Variants in PAPSS1 observed in about 807,000 individuals in gnomAD.
PAPSS1 encodes 3'-phosphoadenosine 5'-phosphosulfate synthase 1.
A neutral mutation model predicts 72.0 loss-of-function variants in PAPSS1; 50 were observed. That is an observed-to-expected ratio of 0.69 (90% CI 0.55 to 0.88). PAPSS1 has a LOEUF of 0.88. Among genes scored for constraint, PAPSS1 ranks in the 40% least tolerant of loss-of-function variants. The probability of loss-of-function intolerance (pLI) is 0.00; values close to 1 mark genes in which losing one functional copy is unlikely to be tolerated. For missense variants in PAPSS1, 657 were observed against 782.2 expected, an observed-to-expected ratio of 0.84 and a Z score of 1.91; for synonymous variants, 261 against 263.6, an observed-to-expected ratio of 0.99 and a Z score of 0.09.
chr4:107,663,395 T>TAC (rs1727239178), intron 5 of PAPSS1, among the ~76,000 whole-genome samples: 1 of 152,146 alleles, frequency 6.6e-6, no homozygotes, highest in Non-Finnish European at 1.5e-5. Flanking sequence ...ACAAAAAAGA[T>TAC]ACACACATAT....
chr4:107,684,294 T>A (rs938554559), intron 4 of PAPSS1, among the ~76,000 whole-genome samples: 1 of 152,194 alleles, frequency 6.6e-6, no homozygotes, highest in East Asian at 1.9e-4. Flanking sequence ...TTTCATCAGA[T>A]AGGTTTTATT....
intron 9 of PAPSS1, among the ~76,000 whole-genome samples, chr4:107,653,237 C>T (rs79393020): frequency 0.018 from 2,761 of 151,982 alleles, 35 homozygotes; most frequent in Non-Finnish European, 0.028. Context: ...CTTTAACATG[C>T]GAGTTTTATA....
intron 5 of PAPSS1, among the ~76,000 whole-genome samples, chr4:107,677,627 GC>G (rs1489541065): frequency 6.6e-6 from 1 of 152,178 alleles, no homozygotes; most frequent in Admixed American, 6.5e-5. Flanking sequence ...AGTCAGTGTG[GC>G]AATTCCTCAG....
intron 5 of PAPSS1, among the ~76,000 whole-genome samples, chr4:107,661,250 GT>G (rs1328167103): frequency 1.3e-5 from 2 of 152,100 alleles, no homozygotes; most frequent in Non-Finnish European, 2.9e-5. Flanking sequence ...TTCATAGCTG[GT>G]GGGGATGCAA....
intron 5 of PAPSS1, among the ~76,000 whole-genome samples, chr4:107,664,353 T>G (rs148802683): frequency 6.6e-6 from 1 of 152,320 alleles, no homozygotes; most frequent in African/African-American, 2.4e-5. Context: ...GAAGAAAGCA[T>G]GCAGCAGACA....
At chr4:107,675,624 A>G (rs1727620754) in intron 5 of PAPSS1, among the ~76,000 whole-genome samples, 1 of 152,226 alleles carries the variant, frequency 6.6e-6, no homozygotes, top group Admixed American at 6.5e-5. Context: ...AGCTGGTAAC[A>G]TTCCTTCTGA....
chr4:107,619,743 T>C (rs1725909656), intron 11 of PAPSS1, among the ~76,000 whole-genome samples: 1 of 152,206 alleles, frequency 6.6e-6, no homozygotes, highest in Admixed American at 6.5e-5. Context: ...TAACCAATCT[T>C]CTATGGCACT....
intron 6 of PAPSS1, 123 bp from the exon 7 acceptor site, chr4:107,657,130 A>T (rs1036775665): frequency 3.1e-6 from 2 of 641,920 alleles, no homozygotes; most frequent in Non-Finnish European, 5.7e-6. Context: ...ATGAGTATAG[A>T]TTATACCAAA....
chr4:107,666,702 T>C (rs1004554024), intron 5 of PAPSS1, among the ~76,000 whole-genome samples: 1 of 152,166 alleles, frequency 6.6e-6, no homozygotes, highest in Non-Finnish European at 1.5e-5. Flanking sequence ...CCAGGTACAA[T>C]TCACTTCAGA....
intron 7 of PAPSS1, 152 bp from the exon 8 acceptor site, chr4:107,655,052 G>A (rs192420410): frequency 4.6e-5 from 21 of 459,528 alleles, no homozygotes; most frequent in Middle Eastern, 5.9e-4. Flanking sequence ...ACAGAAAAAC[G>A]AAAGACAGAA....
At chr4:107,675,613 G>A (rs1448022785) in intron 5 of PAPSS1, among the ~76,000 whole-genome samples, 1 of 152,134 alleles carries the variant, frequency 6.6e-6, no homozygotes, top group Non-Finnish European at 1.5e-5. Flanking sequence ...GTACAAGGAG[G>A]AGCTGGTAAC....
At chr4:107,694,750 C>A (rs1323326416) in intron 2 of PAPSS1, among the ~76,000 whole-genome samples, 1 of 152,138 alleles carries the variant, frequency 6.6e-6, no homozygotes, top group Non-Finnish European at 1.5e-5. Context: ...TAATAGAACA[C>A]CCTCATTTCA....
chr4:107,619,276 G>A (rs1725898880), intron 11 of PAPSS1, among the ~76,000 whole-genome samples: 1 of 152,008 alleles, frequency 6.6e-6, no homozygotes, highest in Admixed American at 6.6e-5. Context: ...AAGGTCCCTG[G>A]GTACCTCTTG....
intron 11 of PAPSS1, among the ~76,000 whole-genome samples, chr4:107,624,193 A>G (rs552532227): frequency 6.6e-6 from 1 of 152,260 alleles, no homozygotes; most frequent in African/African-American, 2.4e-5. Context: ...TGTCCAGAAT[A>G]CTATTATTCC....
intron 1 of PAPSS1, among the ~76,000 whole-genome samples, chr4:107,701,684 A>G (rs1723208151): frequency 6.6e-6 from 1 of 152,246 alleles, no homozygotes; most frequent in Admixed American, 6.5e-5. Context: ...GAGCAAAACA[A>G]GGTCACTACC....
chr4:107,628,097 T>C (rs979431011), intron 11 of PAPSS1, among the ~76,000 whole-genome samples: 1 of 152,170 alleles, frequency 6.6e-6, no homozygotes, highest in African/African-American at 2.4e-5. Context: ...TTGAATTATA[T>C]AGGGAATAGT....
chr4:107,646,260 C>T (rs1397126228), intron 9 of PAPSS1, among the ~76,000 whole-genome samples: 4 of 150,826 alleles, frequency 2.7e-5, no homozygotes, highest in Non-Finnish European at 5.9e-5. Context: ...ATAAAAGATG[C>T]CAAAATATCC....
Position 107,614,317 on chromosome 4 carries a change from C to T in PAPSS1, c.1807G>A (p.Glu603Lys). The T allele has an allele frequency of 6.2e-7, 1 of 1,613,960 alleles. No homozygotes were observed. The highest frequency in any genetic ancestry group is 2.2e-5 in the East Asian group (1 of 44,880). Residue 603 changes from glutamate to lysine, a missense_variant, in exon 12 of 12, where the codon GAA becomes AAA. Physicochemically the swap from Glu to Lys is moderately conservative, Grantham distance 56 (BLOSUM62 1). Transcript: ENST00000265174. ...KLAREGQKPP[E>K]GFMAPKAWTV... is the part of the protein sequence containing the mutation. The stretch of plus-strand genomic sequence containing the variant: ...CAAGCCTTGGGAGCCATGAAACCTT[C>T]AGGTGGTTTCTGGCCTTCTCGAGCA...
chr4:107,649,308 C>T (rs1273135721), intron 9 of PAPSS1, among the ~76,000 whole-genome samples: 2 of 152,266 alleles, frequency 1.3e-5, no homozygotes, highest in Non-Finnish European at 2.9e-5. Context: ...GACCCTGCAA[C>T]CAGCTTCTGC....
Sources: gnomAD v4.1 joint callset for allele counts (sites outside exome capture counted in the v4.1 genomes callset) on GRCh38, gnomAD v4.1.1 for gene constraint, MANE v1.5 for transcripts, NCBI Gene and HGNC (gene_info 2026-07-23, HGNC 2026-07-21) for gene names.